The following CCDC141 variants were observed in gnomAD, a reference collection of about 807,000 sequenced individuals.
CCDC141 encodes the protein coiled-coil domain containing 141.
Under a neutral mutation model 181.0 loss-of-function variants are expected in CCDC141, and 168 were observed. That is an observed-to-expected ratio of 0.93 (90% CI 0.82 to 1.05). The LOEUF is 1.05. CCDC141 is among the 50% of genes least tolerant of loss of function. CCDC141 has a pLI of 0.00. For synonymous variants in CCDC141, 666 were observed against 642.3 expected, an observed-to-expected ratio of 1.04 and a Z score of -0.56; for missense variants, 1,902 against 1,788.5, an observed-to-expected ratio of 1.06 and a Z score of -1.14.
Position 178,856,305 on chromosome 2 carries a change from C to G in CCDC141, c.2817G>C (p.Ala939=). The G allele has an allele frequency of 6.2e-7, 1 of 1,609,480 alleles. No homozygotes were observed. The highest frequency in any genetic ancestry group is 1.3e-5 in the African/African-American group (1 of 74,816). The change falls in exon 18 of 24, where the codon GCG becomes GCC. Residue 939 remains alanine (A), a synonymous_variant. Transcript: ENST00000443758. ...KKNEKSRNLK[A]LKYQIQQVDM... Reference sequence around the variant, plus strand: ...CAACTTGCTGAATTTGATATTTAAGCGCCTTCAGATTCCGAGATTTTTCAT... The same window carrying G: ...CAACTTGCTGAATTTGATATTTAAGGGCCTTCAGATTCCGAGATTTTTCAT...
At chr2:179,044,764 T>G (rs1247671964) in intron 2 of CCDC141, among the ~76,000 whole-genome samples, 2 of 152,122 alleles carry the variant, frequency 1.3e-5, no homozygotes, top group Non-Finnish European at 2.9e-5. Flanking sequence ...AACGCAAACT[T>G]CTGGGAATGG....
the CCDC141 span, among the ~76,000 whole-genome samples, chr2:178,815,783 A>G: frequency 6.6e-6 from 1 of 151,736 alleles, no homozygotes. Context: ...TTTTATTTGT[A>G]TTTTTTTTAT....
At chr2:178,984,768 A>G (rs1269830420) in intron 2 of CCDC141, among the ~76,000 whole-genome samples, 1 of 151,820 alleles carries the variant, frequency 6.6e-6, no homozygotes, top group African/African-American at 2.4e-5. Context: ...AGAGCTAACT[A>G]TCCTAAATAT....
intron 2 of CCDC141, among the ~76,000 whole-genome samples, chr2:178,994,275 C>A (rs1251530411): frequency 6.6e-6 from 1 of 152,244 alleles, no homozygotes; most frequent in Non-Finnish European, 1.5e-5. Flanking sequence ...CATTTCCATA[C>A]ATCTGCTGAA....
chr2:179,043,113 A>G (rs1006549973), intron 2 of CCDC141, among the ~76,000 whole-genome samples: 1 of 152,152 alleles, frequency 6.6e-6, no homozygotes, highest in Non-Finnish European at 1.5e-5. Context: ...CATAAACTAG[A>G]AAATCTAGAA....
intron 2 of CCDC141, among the ~76,000 whole-genome samples, chr2:178,984,665 C>A (rs1332970670): frequency 6.7e-6 from 1 of 149,712 alleles, no homozygotes; most frequent in East Asian, 2.0e-4. Context: ...AGGTTGCAAT[C>A]CTAGTCTCTG....
chr2:179,046,461 G>A (rs553903613), intron 2 of CCDC141, among the ~76,000 whole-genome samples: 48 of 152,330 alleles, frequency 3.2e-4, no homozygotes, highest in Non-Finnish European at 5.4e-4. Context: ...CTCAGTGACC[G>A]TTGCCACCTC....
chr2:178,922,118 C>A (rs1688717525), intron 6 of CCDC141, among the ~76,000 whole-genome samples: 2 of 152,284 alleles, frequency 1.3e-5, no homozygotes, highest in African/African-American at 4.8e-5. Flanking sequence ...CTCAGTCTAA[C>A]AACACTAAGC....
chr2:178,975,273 T>A, intron 3 of CCDC141, 108 bp from the exon 4 acceptor site: 1 of 571,194 alleles, frequency 1.8e-6, no homozygotes, highest in Non-Finnish European at 3.1e-6. Context: ...CAACTGAGGA[T>A]GTGTGATTAT....
chr2:178,894,268 G>T (rs1424412263), intron 8 of CCDC141, among the ~76,000 whole-genome samples: 1 of 152,104 alleles, frequency 6.6e-6, no homozygotes, highest in East Asian at 1.9e-4. Flanking sequence ...ATGAGTCCAG[G>T]TGGTCACTGC....
chr2:178,930,374 A>G (rs1348413530), intron 6 of CCDC141, among the ~76,000 whole-genome samples: 2 of 152,144 alleles, frequency 1.3e-5, no homozygotes, highest in Admixed American at 1.3e-4. Flanking sequence ...TAAGATGGCA[A>G]TACTCCCCAA....
intron 17 of CCDC141, among the ~76,000 whole-genome samples, chr2:178,863,961 G>A (rs1233871645): frequency 6.6e-6 from 1 of 152,174 alleles, no homozygotes; most frequent in African/African-American, 2.4e-5. Context: ...CCGGCCGGCT[G>A]GCTCCAAACA....
At chr2:178,931,932 G>C (rs1227041326) in intron 6 of CCDC141, among the ~76,000 whole-genome samples, 1 of 152,150 alleles carries the variant, frequency 6.6e-6, no homozygotes, top group African/African-American at 2.4e-5. Flanking sequence ...TTGGGAGGCT[G>C]AGGAGGGCAG....
At chr2:178,965,239 A>G (rs930484967) in intron 4 of CCDC141, among the ~76,000 whole-genome samples, 2 of 152,208 alleles carry the variant, frequency 1.3e-5, no homozygotes, top group Admixed American at 1.3e-4. Flanking sequence ...GGTATTTTCA[A>G]ATAGAGACAA....
intron 2 of CCDC141, among the ~76,000 whole-genome samples, chr2:179,015,878 G>A (rs141131778): frequency 0.041 from 4,322 of 105,060 alleles, 219 homozygotes; most frequent in African/African-American, 0.14. Flanking sequence ...TATCTCATAT[G>A]TATCATATAT....
Position 178,832,470 on chromosome 2 carries a change from AAAAAAAAAAAAAAC to A in CCDC141, c.*1689_*1702del, listed in dbSNP as rs1684289015. On this transcript the variant is annotated 3_prime_UTR_variant, in exon 24 of 24. Transcript: ENST00000443758. The stretch of plus-strand genomic sequence containing the variant: ...AAGAGAGCAAGACTCTTTCTCAAAA[AAAAAAAAAAAAAAC>A]AAAAAAAACAAAAAAAAGATAGTTA... 1.4e-5 allele frequency: 2 copies of A among 146,124 alleles called. No individual in the cohort carries two copies. The highest frequency in any genetic ancestry group is 4.2e-4 in the South Asian group (2 of 4,730). 9.1% of individuals were successfully genotyped at this position (146,124 alleles called of 1,614,324 possible).
intron 2 of CCDC141, among the ~76,000 whole-genome samples, chr2:179,012,894 A>AATAGATGCATCTCAATAGAT (rs1484471607): frequency 1.3e-5 from 2 of 152,158 alleles, no homozygotes; most frequent in African/African-American, 4.8e-5. Flanking sequence ...ATGCAGAAAA[A>AATAGATGCATCTCAATAGAT]GCACTCAACA....
At chr2:178,838,737 T>C (rs1575115042) in intron 22 of CCDC141, among the ~76,000 whole-genome samples, 1 of 152,104 alleles carries the variant, frequency 6.6e-6, no homozygotes, top group Non-Finnish European at 1.5e-5. Flanking sequence ...CAAGATACAA[T>C]AGGAAAGCAC....
intron 17 of CCDC141, among the ~76,000 whole-genome samples, chr2:178,856,958 A>C (rs1561640831): frequency 6.6e-6 from 1 of 152,212 alleles, no homozygotes; most frequent in Non-Finnish European, 1.5e-5. Context: ...TCTTCCAAAT[A>C]TAAGTAATTA....
Sources: allele counts gnomAD v4.1 joint callset (sites outside exome capture counted in the v4.1 genomes callset), GRCh38; gene constraint gnomAD v4.1.1; transcripts MANE v1.5; gene names NCBI Gene and HGNC (gene_info 2026-07-23, HGNC 2026-07-21).